The following TRMT11 variants were observed in gnomAD, a reference collection of about 807,000 sequenced individuals.
The protein encoded by TRMT11 is tRNA (guanine(10)-N(2))-methyltransferase TRMT11.
In TRMT11, 53 loss-of-function variants were observed where a neutral mutation model predicts 62.8. The observed-to-expected ratio is 0.84, with a 90% CI of 0.68 to 1.06. TRMT11 has a LOEUF of 1.06. Among genes scored for constraint, TRMT11 ranks in the 50% least tolerant of loss-of-function variants. The probability of loss-of-function intolerance (pLI) is 0.00; values close to 1 mark genes in which losing one functional copy is unlikely to be tolerated. For missense variants in TRMT11, 556 were observed against 553.4 expected, an observed-to-expected ratio of 1.00 and a Z score of -0.05; for synonymous variants, 188 against 190.3, an observed-to-expected ratio of 0.99 and a Z score of 0.10.
chr6:126,223,001 T>C, the TRMT11 span, among the ~76,000 whole-genome samples: 1 of 152,250 alleles, frequency 6.6e-6, no homozygotes, highest in African/African-American at 2.4e-5. Flanking sequence ...TTAAAAACCT[T>C]GTAAGGTAGG....
Position 126,011,417 on chromosome 6 carries a change from C to T in TRMT11, c.925C>T (p.Pro309Ser), listed in dbSNP as rs200225212. ...GTYFDAIITD[P>S]PYGIRESTRR... ...ATATTTTGATGCAATCATTACTGAT[C>T]GTAAGTTTATTTTTATACAAAAGTA... Residue 309 changes from proline (P) to serine (S), a missense_variant and splice_region_variant, in exon 9 of 13, where the codon CCT becomes TCT. Physicochemically the swap from Pro to Ser is moderately conservative, Grantham distance 74. Transcript: ENST00000334379. The T allele has an allele frequency of 1.2e-5, 19 of 1,606,654 alleles. No homozygotes were observed. The South Asian group carries it at 1.2e-4, about 10-fold the overall frequency.
In TRMT11 at chr6:126,093,614, TA is replaced by T. The variant is rs1562321375; in HGVS notation, c.*1438-19251del. Among the ~76,000 whole-genome samples, 160 of 93,282 alleles carry T rather than the reference TA, an allele frequency of 1.7e-3. 13 individuals carry two copies. Among genetic ancestry groups the T allele is most frequent in the African/African-American group, 0.011 (160 of 14,798 alleles). The allele number at this position is 93,282 out of a possible 152,430, so 61.2% of individuals were successfully genotyped here. A position where few individuals can be genotyped will look rare whatever the true frequency, so the allele number is the denominator to read the frequency against. On this transcript the variant is annotated intron_variant and NMD_transcript_variant, in intron 17 of 22. Coordinates refer to the TRMT11 transcript ENST00000648977. ...ATATATATATATATATATATATATATATATATATATATATATATTTTCCCCC... is the reference window on the plus strand; with the variant it reads ...ATATATATATATATATATATATATATTATATATATATATATATTTTCCCCC...
At chr6:126,035,964 T>G (rs1775108640) in intron 12 of TRMT11, among the ~76,000 whole-genome samples, 2 of 152,142 alleles carry the variant, frequency 1.3e-5, no homozygotes, top group Admixed American at 1.3e-4. Flanking sequence ...TCTTGTGAGC[T>G]GCATAACCAC....
At chr6:126,138,764 A>G (rs886315737) in intron 21 of TRMT11, among the ~76,000 whole-genome samples, 23 of 152,104 alleles carry the variant, frequency 1.5e-4, no homozygotes, top group Admixed American at 5.2e-4. Context: ...TAAAAAATTT[A>G]GTTATAATCT....
At chr6:126,084,614 A>G (rs1777194725) in intron 17 of TRMT11, among the ~76,000 whole-genome samples, 1 of 152,096 alleles carries the variant, frequency 6.6e-6, no homozygotes, top group Non-Finnish European at 1.5e-5. Flanking sequence ...AGCTTTTGGT[A>G]TGATACCAAA....
At chr6:126,227,347 C>G in the TRMT11 span, among the ~76,000 whole-genome samples, 26 of 152,228 alleles carry the variant, frequency 1.7e-4, no homozygotes, top group East Asian at 4.1e-3. Flanking sequence ...GTGGTGCTGT[C>G]AATACCTTGG....
chr6:126,241,981 A>T, the TRMT11 span, among the ~76,000 whole-genome samples: 2 of 152,318 alleles, frequency 1.3e-5, no homozygotes, highest in Admixed American at 6.5e-5. Flanking sequence ...TTAGGAAAAG[A>T]GGAAGTCAAA....
chr6:126,135,177 A>G (rs1037729351), intron 21 of TRMT11, among the ~76,000 whole-genome samples: 2 of 151,762 alleles, frequency 1.3e-5, no homozygotes, highest in Non-Finnish European at 3.0e-5. Flanking sequence ...GACTAAAAGA[A>G]AAATACAAAA....
chr6:126,016,505 A>G (rs1426879340), intron 11 of TRMT11, among the ~76,000 whole-genome samples: 1 of 152,040 alleles, frequency 6.6e-6, no homozygotes, highest in African/African-American at 2.4e-5. Flanking sequence ...TTTATTTTGG[A>G]GTTCTTTTAT....
At chr6:126,224,861 C>T in the TRMT11 span, among the ~76,000 whole-genome samples, 1 of 152,212 alleles carries the variant, frequency 6.6e-6, no homozygotes, top group Non-Finnish European at 1.5e-5. Flanking sequence ...AGGCTGCAGG[C>T]AAGTGCGTGC....
chr6:126,208,879 G>C, the TRMT11 span, among the ~76,000 whole-genome samples: 2 of 152,198 alleles, frequency 1.3e-5, no homozygotes, highest in South Asian at 4.1e-4. Flanking sequence ...ACGCCTAAAG[G>C]CCTGGTAGGG....
At chr6:126,027,029 A>G (rs1427572722) in intron 12 of TRMT11, among the ~76,000 whole-genome samples, 7 of 151,180 alleles carry the variant, frequency 4.6e-5, no homozygotes, top group Non-Finnish European at 1.0e-4. Flanking sequence ...GATGGTCTCG[A>G]TTTCCTGACC....
At chr6:126,015,210 C>T (rs1232920712) in intron 11 of TRMT11, among the ~76,000 whole-genome samples, 3 of 151,986 alleles carry the variant, frequency 2.0e-5, no homozygotes, top group Admixed American at 6.6e-5. Flanking sequence ...CCCCCCGACT[C>T]CTGCACATAT....
the TRMT11 span, among the ~76,000 whole-genome samples, chr6:126,250,318 G>A: frequency 1.3e-5 from 2 of 152,164 alleles, no homozygotes; most frequent in African/African-American, 2.4e-5. Context: ...AAGTGAAAAG[G>A]AGTAGGGGCA....
At chr6:125,986,671 G>C in intron 1 of TRMT11, 49 bp downstream of exon 1, 1 of 1,499,784 alleles carries the variant, frequency 6.7e-7, no homozygotes, top group African/African-American at 1.4e-5. Context: ...GGACGCTGGA[G>C]TGGAGTGGAG....
chr6:126,082,139 A>G (rs375653298), intron 17 of TRMT11, among the ~76,000 whole-genome samples: 6 of 152,078 alleles, frequency 3.9e-5, no homozygotes, highest in East Asian at 1.9e-4. Flanking sequence ...TTTACAATCA[A>G]TTAAATGACA....
chr6:126,054,161 A>G (rs778182840), intron 17 of TRMT11, among the ~76,000 whole-genome samples: 6 of 152,082 alleles, frequency 3.9e-5, no homozygotes, highest in Non-Finnish European at 7.4e-5. Context: ...GGAAGTTTTA[A>G]TTTCTTTCAA....
chr6:126,175,326 G>A (rs1426119818), upstream of TRMT11, among the ~76,000 whole-genome samples: 3 of 152,140 alleles, frequency 2.0e-5, no homozygotes, highest in Non-Finnish European at 2.9e-5. Context: ...TTCTGACATA[G>A]GTTTAGTAAG....
chr6:126,198,290 G>A (rs1200125013), intron 1 of TRMT11, among the ~76,000 whole-genome samples: 1 of 151,990 alleles, frequency 6.6e-6, no homozygotes, highest in African/African-American at 2.4e-5. Context: ...CCATTGTAGG[G>A]AAAAAACAAG....
Sources: gnomAD v4.1 joint callset for allele counts (sites outside exome capture counted in the v4.1 genomes callset) on GRCh38, gnomAD v4.1.1 for gene constraint, MANE v1.5 for transcripts, NCBI Gene and HGNC (gene_info 2026-07-23, HGNC 2026-07-21) for gene names.